Variants in RSRP1 observed in about 807,000 individuals in gnomAD.
RSRP1 encodes the protein arginine and serine rich protein 1, also known as arginine/serine-rich protein 1.
Under a neutral mutation model 33.0 loss-of-function variants are expected in RSRP1, and 37 were observed. The observed-to-expected ratio is 1.12, with a 90% confidence interval of 0.86 to 1.48. The LOEUF (loss-of-function observed/expected upper bound fraction) is 1.48. RSRP1 is among the 40% of genes most tolerant of loss of function. RSRP1 has a pLI of 0.00. For synonymous variants in RSRP1, 167 were observed against 158.7 expected (o/e 1.05, Z -0.40); for missense variants, 402 against 385.3 (o/e 1.04, Z -0.36).
At chr1:25,244,080 G>A (rs754845492) in intron 3 of RSRP1, 9 of 1,189,700 alleles carry the variant, frequency 7.6e-6, no homozygotes, top group South Asian at 1.5e-5. Flanking sequence ...TTAAGCCCCC[G>A]AGACGGGAGT....
chr1:25,245,912 G>A (rs754056737), intron 2 of RSRP1: 2 of 154,820 alleles, frequency 1.3e-5, no homozygotes, highest in East Asian at 1.9e-4. Flanking sequence ...CACCACCCCC[G>A]GCTAATTTTT....
At position 25,303,452 on chromosome 1, in the gene RSRP1, A is replaced by G. The variant is rs590787; in HGVS notation, c.-67+34526T>C. The stretch of plus-strand genomic sequence containing the variant: ...CTGATCTCCGTCGGGGGAGCCAAGT[A>G]CCTGCCGGTAAGAAACTAGACAACT... On this transcript the variant is annotated intron_variant, in intron 1 of 1. Coordinates refer to the RSRP1 transcript ENST00000561867. 6.8e-5 allele frequency: 93 copies of G among 1,376,542 alleles called. 18 individuals carry two copies. Among genetic ancestry groups the G allele is most frequent in the South Asian group, 2.5e-4 (21 of 84,758 alleles). The allele number at this position is 1,376,542 out of a possible 1,614,324, so 85.3% of individuals were successfully genotyped here.
At position 25,310,408 on chromosome 1, in the gene RSRP1, C is replaced by T. The variant is rs187161477; in HGVS notation, c.-67+27570G>A. The stretch of plus-strand genomic sequence containing the variant: ...ATGACTTCTCCATGTCATGATGCAG[C>T]AAGAAGGCCCTCACCAGATGGTGGC... On this transcript the variant is annotated intron_variant, in intron 1 of 1. Coordinates refer to the RSRP1 transcript ENST00000561867. 1.4e-4 allele frequency among the ~76,000 whole-genome samples: 18 copies of T among 132,782 alleles called. 2 individuals are homozygous for T. Among genetic ancestry groups the T allele is most frequent in the Admixed American group, 7.4e-4 (10 of 13,588 alleles). 87.1% of individuals were successfully genotyped at this position (132,782 alleles called of 152,430 possible).
At chr1:25,286,812 G>A (rs1187004396) in intron 1 of RSRP1, among the ~76,000 whole-genome samples, 1 of 132,698 alleles carries the variant, frequency 7.5e-6, no homozygotes, top group Non-Finnish European at 1.8e-5. Flanking sequence ...AACAGTTTTA[G>A]GCCAGGCGCG....
intron 1 of RSRP1, 77 bp from the exon 2 acceptor site, chr1:25,247,106 ACCT>A: frequency 1.1e-6 from 1 of 915,198 alleles, no homozygotes. Flanking sequence ...CAGTCGGGGA[ACCT>A]CCGGGAGGCG....
chr1:25,331,734 A>ATTTT (rs71014355), intron 1 of RSRP1, among the ~76,000 whole-genome samples: 1 of 43,148 alleles, frequency 2.3e-5, no homozygotes, highest in Non-Finnish European at 5.6e-5. Context: ...TGCCCAGCTA[A>ATTTT]TTTTTTTTTT....
chr1:25,280,201 G>A (rs943924703), intron 1 of RSRP1, among the ~76,000 whole-genome samples: 2 of 128,844 alleles, frequency 1.6e-5, no homozygotes, highest in Admixed American at 1.5e-4. Context: ...GTAGAGCCTT[G>A]GGGAGGAAGG....
chr1:25,274,086 C>G (rs1322832249), intron 1 of RSRP1, among the ~76,000 whole-genome samples: 1 of 132,704 alleles, frequency 7.5e-6, no homozygotes, highest in Non-Finnish European at 1.8e-5. Context: ...AATGTGGGAT[C>G]CAGACTCATG....
At chr1:25,267,629 G>C (rs1427851847) in intron 1 of RSRP1, 1 of 127,108 alleles carries the variant, frequency 7.9e-6, no homozygotes, top group Non-Finnish European at 1.9e-5. Flanking sequence ...AGCGCTGTGT[G>C]GCCGCAAACC....
rs1382335051 is a variant in RSRP1 at position 25,281,335 on chromosome 1, C to T, written c.-66-34306G>A. Among the ~76,000 whole-genome samples, 2 of 130,248 alleles carry T rather than the reference C, an allele frequency of 1.5e-5. 1 individual carries two copies. The highest frequency in any genetic ancestry group is 3.6e-5 in the Non-Finnish European group (2 of 55,798). The allele number at this position is 130,248 out of a possible 152,430, so 85.4% of individuals were successfully genotyped here. A position where few individuals can be genotyped will look rare whatever the true frequency, so the allele number is the denominator to read the frequency against. On this transcript the variant is annotated intron_variant, in intron 1 of 1. Coordinates refer to the RSRP1 transcript ENST00000561867. ...ATTCTCCTCTGGGCCCGGTCATGAG[C>T]GCCCCTCACAGGCTCTCTCTGGTCC...
chr1:25,247,469 G>C (rs755646480), upstream of RSRP1: 2 of 153,818 alleles, frequency 1.3e-5, no homozygotes, highest in African/African-American at 2.4e-5. Flanking sequence ...GACTACGTTA[G>C]CAGACGCGTC....
chr1:25,314,206 G>A lies in RSRP1; in HGVS notation c.-67+23772C>T, dbSNP rs1055798915. Among the ~76,000 whole-genome samples, 2 of 132,976 alleles carry A rather than the reference G, an allele frequency of 1.5e-5. 1 individual carries two copies. The highest frequency in any genetic ancestry group is 1.5e-4 in the Admixed American group (2 of 13,684). The allele number at this position is 132,976 out of a possible 152,430, so 87.2% of individuals were successfully genotyped here. ...TTGCGCCAATCTAATCACCAGTAGTGTATAGAAGCTCCTTTTACTCCACAT... is the reference window on the plus strand; with the variant it reads ...TTGCGCCAATCTAATCACCAGTAGTATATAGAAGCTCCTTTTACTCCACAT... On this transcript the variant is annotated intron_variant, in intron 1 of 1. Coordinates refer to the RSRP1 transcript ENST00000561867.
chr1:25,243,613 TTC>T lies in RSRP1; in HGVS notation c.691_692del (p.Glu231ArgfsTer8). Reference sequence around the variant, plus strand: ...TTTCATTGGGATTTCGAGTTCCATCTTCTGTTACCTTTTCCGACAGCTAGACA... The same window carrying T: ...TTTCATTGGGATTTCGAGTTCCATCTTGTTACCTTTTCCGACAGCTAGACA... Reference protein sequence around the residue: ...AKPELSEKVTEDGTRNPNEKP... With the variant: ...AKPELSEKVTXDGTRNPNEKP... On this transcript the variant is annotated frameshift_variant, in exon 4 of 5. Coordinates refer to ENST00000243189, the MANE Select transcript of RSRP1 (RefSeq NM_020317.5). LOFTEE classifies it high-confidence loss of function. 8 of 1,613,850 alleles carry T rather than the reference TTC, an allele frequency of 5.0e-6. No homozygotes were observed. The highest frequency in any genetic ancestry group is 5.9e-6 in the Non-Finnish European group (7 of 1,179,838).
rs1431232883 is a variant in RSRP1, at chr1:25,303,537, A to G, written c.-67+34441T>C. 4 of 1,263,144 alleles carry G rather than the reference A, an allele frequency of 3.2e-6. 1 individual carries two copies. Among genetic ancestry groups the G allele is most frequent in the Non-Finnish European group, 4.6e-6 (4 of 876,510 alleles). The allele number at this position is 1,263,144 out of a possible 1,614,324, so 78.2% of individuals were successfully genotyped here. A position where few individuals can be genotyped will look rare whatever the true frequency, so the allele number is the denominator to read the frequency against. ...GCTGGGACCTGATGGGCCACTGTGCAGTGCACAGCTGCATTAGGCAGGTGT... is the reference window on the plus strand; with the variant it reads ...GCTGGGACCTGATGGGCCACTGTGCGGTGCACAGCTGCATTAGGCAGGTGT... On this transcript the variant is annotated intron_variant, in intron 1 of 1. Transcript: ENST00000561867.
Position 25,299,072 on chromosome 1 carries a change from TAAAAAAAAAAAA to T in RSRP1, c.-67+38894_-67+38905del, listed in dbSNP as rs34867414. The stretch of plus-strand genomic sequence containing the variant: ...GTTTAGAATTGTCAGCACATGGTGA[TAAAAAAAAAAAA>T]AAAAAAAAAAAAACAGGCTGGGAGC... On this transcript the variant is annotated intron_variant, in intron 1 of 1. Transcript: ENST00000561867. 4.9e-5 allele frequency among the ~76,000 whole-genome samples: 2 copies of T among 40,878 alleles called. 1 individual carries two copies. Among genetic ancestry groups the T allele is most frequent in the African/African-American group, 1.6e-4 (2 of 12,822 alleles). The allele number at this position is 40,878 out of a possible 152,430, so 26.8% of individuals were successfully genotyped here. A position where few individuals can be genotyped will look rare whatever the true frequency, so the allele number is the denominator to read the frequency against.
chr1:25,263,453 G>T (rs1557501229), intron 1 of RSRP1, among the ~76,000 whole-genome samples: 1 of 151,886 alleles, frequency 6.6e-6, no homozygotes, highest in African/African-American at 2.4e-5. Context: ...GTCTTACGTG[G>T]ATGGCAGGCA....
rs749512446 is a variant in RSRP1, at chr1:25,268,622, A to C, written c.-66-21593T>G. Among the ~76,000 whole-genome samples the C allele has an allele frequency of 9.2e-5, 12 of 130,060 alleles. 1 individual carries two copies. The highest frequency in any genetic ancestry group is 2.0e-4 in the East Asian group (1 of 5,032). 85.3% of individuals were successfully genotyped at this position (130,060 alleles called of 152,430 possible). On this transcript the variant is annotated intron_variant, in intron 1 of 1. Transcript: ENST00000561867. ...CACAAGGAACCCTTGTCAAGGGGAG[A>C]AGAAAGGGGAGTTGATGCTGTCCTT...
chr1:25,250,945 G>A (rs1001751191), upstream of RSRP1, among the ~76,000 whole-genome samples: 1 of 151,990 alleles, frequency 6.6e-6, no homozygotes, highest in Non-Finnish European at 1.5e-5. Context: ...GGAGGCGGAG[G>A]TTGCAGTGAG....
rs1643586464 is a variant in RSRP1 at position 25,303,800 on chromosome 1, T to C, written c.-67+34178A>G. On this transcript the variant is annotated intron_variant, in intron 1 of 1. Transcript: ENST00000561867. ...TTCTTTGCTTTTCCTGAATATCTGCTTTATTCTTACTCTATAGACATGCTT... is the reference window on the plus strand; with the variant it reads ...TTCTTTGCTTTTCCTGAATATCTGCCTTATTCTTACTCTATAGACATGCTT... Among the ~76,000 whole-genome samples the C allele has an allele frequency of 1.5e-5, 2 of 130,976 alleles. 1 individual carries two copies. Among genetic ancestry groups the C allele is most frequent in the Non-Finnish European group, 3.6e-5 (2 of 55,470 alleles). The allele number at this position is 130,976 out of a possible 152,430, so 85.9% of individuals were successfully genotyped here.
Sources: allele counts gnomAD v4.1 joint callset (sites outside exome capture counted in the v4.1 genomes callset), GRCh38; gene constraint gnomAD v4.1.1; transcripts MANE v1.5; gene names NCBI Gene and HGNC (gene_info 2026-07-23, HGNC 2026-07-21).